Variants in NXNL2 observed in about 807,000 individuals in gnomAD.
NXNL2 encodes nucleoredoxin like 2, also known as nucleoredoxin-like protein 2.
A neutral mutation model predicts 11.1 loss-of-function variants in NXNL2; 7 were observed. The observed-to-expected ratio is 0.63, with a 90% CI of 0.36 to 1.18. NXNL2 has a LOEUF of 1.18. NXNL2 is among the 50% of genes most tolerant of loss of function. The probability of loss-of-function intolerance (pLI) is 0.02; values close to 1 mark genes in which losing one functional copy is unlikely to be tolerated. For synonymous variants in NXNL2, 109 were observed against 101.8 expected, an observed-to-expected ratio of 1.07 and a Z score of -0.42; for missense variants, 233 against 217.7, an observed-to-expected ratio of 1.07 and a Z score of -0.44.
At chr9:88,564,254 C>A (rs895245667) in intron 1 of NXNL2, among the ~76,000 whole-genome samples, 9 of 134,732 alleles carry the variant, frequency 6.7e-5, no homozygotes, top group African/African-American at 1.5e-4. Flanking sequence ...ATCTATCTAT[C>A]TATCTATCTA....
intron 1 of NXNL2, among the ~76,000 whole-genome samples, chr9:88,555,855 G>C (rs568757762): frequency 4.6e-5 from 7 of 152,300 alleles, no homozygotes; most frequent in African/African-American, 1.7e-4. Flanking sequence ...GGCAAAAGGT[G>C]TGTGAGCCAG....
chr9:88,556,995 C>T (rs932523272), intron 1 of NXNL2, among the ~76,000 whole-genome samples: 6 of 148,022 alleles, frequency 4.1e-5, no homozygotes, highest in African/African-American at 7.5e-5. Flanking sequence ...ACAGGAGAAT[C>T]GCTTGAACCC....
At chr9:88,548,682 C>CAAAAAA (rs34096783), downstream of NXNL2, among the ~76,000 whole-genome samples, 1 of 78,890 alleles carries the variant, frequency 1.3e-5, no homozygotes, top group African/African-American at 3.9e-5. Flanking sequence ...GACTCTGTCT[C>CAAAAAA]AAAAAAAAAA....
At chr9:88,577,395 T>C (rs1449476913), downstream of NXNL2, among the ~76,000 whole-genome samples, 1 of 152,072 alleles carries the variant, frequency 6.6e-6, no homozygotes, top group Non-Finnish European at 1.5e-5. Flanking sequence ...GTGGCCTCTG[T>C]TCCAGGTGAG....
At chr9:88,579,561 C>T (rs1830387111), downstream of NXNL2, among the ~76,000 whole-genome samples, 1 of 152,212 alleles carries the variant, frequency 6.6e-6, no homozygotes, top group Non-Finnish European at 1.5e-5. Flanking sequence ...AGAATTAAGT[C>T]TACTTCCTGC....
At chr9:88,579,307 C>T (rs1564079103), downstream of NXNL2, among the ~76,000 whole-genome samples, 1 of 152,174 alleles carries the variant, frequency 6.6e-6, no homozygotes, top group East Asian at 1.9e-4. Context: ...GCCTGAAGGA[C>T]GGGGGGCTTC....
chr9:88,563,630 T>C (rs1830119467), intron 1 of NXNL2, among the ~76,000 whole-genome samples: 1 of 152,192 alleles, frequency 6.6e-6, no homozygotes, highest in African/African-American at 2.4e-5. Flanking sequence ...CATGTGGTGT[T>C]GCTGCTTCTC....
chr9:88,554,741 G>A (rs747708630), intron 1 of NXNL2, among the ~76,000 whole-genome samples: 2 of 152,144 alleles, frequency 1.3e-5, no homozygotes, highest in Non-Finnish European at 2.9e-5. Context: ...GCAGGTTACC[G>A]TCTCGTTTAC....
chr9:88,554,769 G>A (rs2118471966), intron 1 of NXNL2, among the ~76,000 whole-genome samples: 1 of 152,246 alleles, frequency 6.6e-6, no homozygotes, highest in African/African-American at 2.4e-5. Context: ...ACCTGAATGA[G>A]GCTCCTCTTT....
At chr9:88,567,374 T>C (rs566958994) in intron 1 of NXNL2, among the ~76,000 whole-genome samples, 134 of 152,300 alleles carry the variant, frequency 8.8e-4, no homozygotes, top group African/African-American at 3.1e-3. Context: ...CTTGACTTCG[T>C]GATTTGCCCG....
chr9:88,541,996 C>T (rs531804834), intron 1 of NXNL2, among the ~76,000 whole-genome samples: 17 of 151,840 alleles, frequency 1.1e-4, no homozygotes, highest in Non-Finnish European at 1.6e-4. Flanking sequence ...TTTGGGAGGC[C>T]GAGGTAGGCG....
chr9:88,535,603 G>T lies in NXNL2; in HGVS notation c.169G>T (p.Ala57Ser). The change falls in exon 1 of 2, where the codon GCC becomes TCC. Residue 57 changes from alanine (A) to serine (S), a missense_variant. Physicochemically the swap from Ala to Ser is moderately conservative, Grantham distance 99. Coordinates refer to ENST00000375854, the MANE Select transcript of NXNL2 (RefSeq NM_001161625.2). ...CTGCGACTTCTATACGGCGCTGGTG[G>T]CCGAGGCGCGGCGGCCCGCGCCCTT... is the stretch of plus-strand genomic sequence containing the variant. ...LLCDFYTALV[A>S]EARRPAPFEV... The T allele has an allele frequency of 1.2e-6, 2 of 1,609,184 alleles. No homozygotes were observed.
intron 1 of NXNL2, among the ~76,000 whole-genome samples, chr9:88,567,972 G>T (rs1240152154): frequency 2.0e-5 from 3 of 152,150 alleles, no homozygotes; most frequent in Non-Finnish European, 4.4e-5. Flanking sequence ...CTTAAATTTT[G>T]CAACCTAGGT....
At chr9:88,560,000 C>T (rs1191102638) in intron 1 of NXNL2, among the ~76,000 whole-genome samples, 1 of 152,080 alleles carries the variant, frequency 6.6e-6, no homozygotes, top group Non-Finnish European at 1.5e-5. Flanking sequence ...CTGTCCTGGC[C>T]CTGCTGCGTG....
chr9:88,560,591 C>T (rs1001386224), intron 1 of NXNL2, among the ~76,000 whole-genome samples: 1 of 152,102 alleles, frequency 6.6e-6, no homozygotes, highest in African/African-American at 2.4e-5. Flanking sequence ...AGTATCTTGG[C>T]TATGCCAGGT....
chr9:88,582,129 T>C (rs912227310), intron 1 of NXNL2, among the ~76,000 whole-genome samples: 5 of 152,194 alleles, frequency 3.3e-5, no homozygotes, highest in Admixed American at 2.6e-4. Flanking sequence ...TCTAGTCCTA[T>C]ATTTGTACAA....
chr9:88,554,926 C>T (rs1020028096), intron 1 of NXNL2, among the ~76,000 whole-genome samples: 1 of 152,214 alleles, frequency 6.6e-6, no homozygotes, highest in Non-Finnish European at 1.5e-5. Context: ...AACTCTCTTA[C>T]TCACTGTTCT....
At chr9:88,552,534 G>A (rs999923115) in intron 1 of NXNL2, among the ~76,000 whole-genome samples, 7 of 148,734 alleles carry the variant, frequency 4.7e-5, no homozygotes, top group Non-Finnish European at 1.0e-4. Flanking sequence ...GTGCAATGGC[G>A]ATCTCCACTC....
chr9:88,543,306 G>A (rs1011098132), intron 1 of NXNL2, among the ~76,000 whole-genome samples: 10 of 149,446 alleles, frequency 6.7e-5, no homozygotes, highest in African/African-American at 1.2e-4. Flanking sequence ...GGGGTCTGCC[G>A]CCCAGGCTGG....
Sources: gnomAD v4.1 joint callset for allele counts (sites outside exome capture counted in the v4.1 genomes callset) on GRCh38, gnomAD v4.1.1 for gene constraint, MANE v1.5 for transcripts, NCBI Gene and HGNC (gene_info 2026-07-23, HGNC 2026-07-21) for gene names.